CDH13: variants seen among roughly 807,000 people sequenced by gnomAD.
CDH13 encodes cadherin 13.
CDH13 carries 24 observed loss-of-function variants against 63.8 expected under a neutral mutation model. The ratio of observed to expected loss-of-function variants is 0.38; its 90% CI spans 0.27 to 0.53. The LOEUF (loss-of-function observed/expected upper bound fraction) is 0.53, where lower values mean the gene tolerates loss of function less well. Ranked by LOEUF, CDH13 falls within the 20% of genes least tolerant of loss-of-function variation. CDH13 has a pLI of 0.85. For missense variants in CDH13, 1,049 were observed against 903.1 expected (o/e 1.16, Z -2.07); for synonymous variants, 503 against 355.3 (o/e 1.42, Z -4.67).
intron 5 of CDH13, among the ~76,000 whole-genome samples, chr16:83,273,874 C>G (rs1377043641): frequency 6.6e-6 from 1 of 152,132 alleles, no homozygotes; most frequent in Non-Finnish European, 1.5e-5. Flanking sequence ...CACCCTTGAT[C>G]AAACAGTTGG....
chr16:83,176,247 C>T (rs113083388), intron 4 of CDH13, among the ~76,000 whole-genome samples: 1 of 151,910 alleles, frequency 6.6e-6, no homozygotes, highest in East Asian at 2.0e-4. Context: ...CTTGGTGGCT[C>T]ACGCCTGTAA....
At chr16:82,975,306 G>T (rs370499530) in intron 2 of CDH13, among the ~76,000 whole-genome samples, 1 of 152,150 alleles carries the variant, frequency 6.6e-6, no homozygotes, top group African/African-American at 2.4e-5. Context: ...AAACCCGTGC[G>T]CCTTGTGAGG....
At chr16:83,135,724 C>T (rs77670137) in intron 4 of CDH13, among the ~76,000 whole-genome samples, 1 of 152,310 alleles carries the variant, frequency 6.6e-6, no homozygotes, top group African/African-American at 2.4e-5. Flanking sequence ...TACTTGCACA[C>T]ACACGTTTAT....
chr16:83,784,208 T>C (rs908725542), intron 13 of CDH13, among the ~76,000 whole-genome samples: 3 of 152,108 alleles, frequency 2.0e-5, no homozygotes, highest in Non-Finnish European at 4.4e-5. Flanking sequence ...AGTTGGGAAA[T>C]TGACAGAAAA....
chr16:83,293,652 G>T (rs781254283), intron 5 of CDH13, among the ~76,000 whole-genome samples: 1 of 152,160 alleles, frequency 6.6e-6, no homozygotes, highest in Admixed American at 6.5e-5. Context: ...ATATTATAGT[G>T]AGAAATGTAA....
chr16:83,159,835 G>C (rs954435494), intron 4 of CDH13, among the ~76,000 whole-genome samples: 2 of 152,146 alleles, frequency 1.3e-5, no homozygotes, highest in Admixed American at 6.5e-5. Context: ...AGCACTTTGG[G>C]AGACTGAGGC....
chr16:83,032,351 ATCC>A, intron 3 of CDH13, 133 bp downstream of exon 3: 3 of 704,484 alleles, frequency 4.3e-6, no homozygotes, highest in Admixed American at 2.9e-5. Context: ...AATGACAGAA[ATCC>A]AACTCTAAAA....
intron 4 of CDH13, among the ~76,000 whole-genome samples, chr16:83,187,749 C>A (rs1031765472): frequency 1.3e-5 from 2 of 152,100 alleles, no homozygotes; most frequent in Admixed American, 1.3e-4. Flanking sequence ...TACAGTCCAC[C>A]TGCTAGTAAG....
At chr16:82,978,650 T>G (rs747135118) in intron 2 of CDH13, among the ~76,000 whole-genome samples, 1 of 152,252 alleles carries the variant, frequency 6.6e-6, no homozygotes, top group African/African-American at 2.4e-5. Flanking sequence ...AAGTCAGTAA[T>G]TGAGGTTTGG....
chr16:82,743,313 G>C (rs2151057294), intron 1 of CDH13, among the ~76,000 whole-genome samples: 1 of 152,202 alleles, frequency 6.6e-6, no homozygotes, highest in East Asian at 1.9e-4. Context: ...TGCAGCCTCA[G>C]ACTTCCCGGG....
chr16:83,049,497 G>C (rs1270639003), intron 3 of CDH13, among the ~76,000 whole-genome samples: 2 of 151,876 alleles, frequency 1.3e-5, no homozygotes, highest in East Asian at 3.9e-4. Flanking sequence ...ACCACACCCA[G>C]CTAATTTTTT....
chr16:82,901,324 C>CTCTGTGTGTGTGTGTGTGTG (rs777728162), intron 2 of CDH13, among the ~76,000 whole-genome samples: 1 of 130,416 alleles, frequency 7.7e-6, no homozygotes, highest in African/African-American at 3.0e-5. Flanking sequence ...TAGTATTCTC[C>CTCTGTGTGTGTGTGTGTGTG]TGTGTGTGTG....
chr16:83,224,236 C>T (rs1402121971), intron 5 of CDH13, among the ~76,000 whole-genome samples: 2 of 152,200 alleles, frequency 1.3e-5, no homozygotes, highest in Non-Finnish European at 2.9e-5. Context: ...ACCACAGTTT[C>T]TTTATTCACT....
At chr16:83,543,414 T>C (rs1200305321) in intron 7 of CDH13, among the ~76,000 whole-genome samples, 1 of 152,200 alleles carries the variant, frequency 6.6e-6, no homozygotes, top group Non-Finnish European at 1.5e-5. Context: ...CTACAAAATG[T>C]TGTGGATTCA....
intron 6 of CDH13, among the ~76,000 whole-genome samples, chr16:83,358,647 G>A (rs1029815318): frequency 6.6e-6 from 1 of 152,224 alleles, no homozygotes; most frequent in African/African-American, 2.4e-5. Context: ...GTCAAGCCAC[G>A]CTTTTTAACC....
At chr16:82,983,122 A>C (rs1011079266) in intron 2 of CDH13, among the ~76,000 whole-genome samples, 1 of 152,156 alleles carries the variant, frequency 6.6e-6, no homozygotes, top group Non-Finnish European at 1.5e-5. Flanking sequence ...AGGGATACTA[A>C]GGCAAATCTG....
At chr16:82,979,514 C>T (rs960825083) in intron 2 of CDH13, among the ~76,000 whole-genome samples, 8 of 152,092 alleles carry the variant, frequency 5.3e-5, no homozygotes, top group Non-Finnish European at 7.4e-5. Flanking sequence ...TGTGAATTCT[C>T]ATGGGATCTG....
intron 1 of CDH13, among the ~76,000 whole-genome samples, chr16:82,838,962 G>A (rs2038889381): frequency 6.6e-6 from 1 of 152,186 alleles, no homozygotes; most frequent in South Asian, 2.1e-4. Flanking sequence ...CCAGTCTCTG[G>A]GCAGCTACAC....
intron 8 of CDH13, among the ~76,000 whole-genome samples, chr16:83,662,503 A>G (rs917302581): frequency 3.3e-5 from 5 of 152,340 alleles, no homozygotes; most frequent in African/African-American, 1.2e-4. Context: ...ATGCAATGGC[A>G]TGTCTGGGAT....
Sources: allele counts gnomAD v4.1 joint callset (sites outside exome capture counted in the v4.1 genomes callset), GRCh38; gene constraint gnomAD v4.1.1; transcripts MANE v1.5; gene names NCBI Gene and HGNC (gene_info 2026-07-23, HGNC 2026-07-21).